FAM210A: variants seen among roughly 807,000 people sequenced by gnomAD.
FAM210A encodes family with sequence similarity 210 member A.
FAM210A carries 13 observed loss-of-function variants against 25.3 expected under a neutral mutation model. That is an observed-to-expected ratio of 0.51 (90% CI 0.33 to 0.82). The LOEUF is 0.82. FAM210A is among the 40% of genes least tolerant of loss of function. FAM210A has a pLI of 0.02. For missense variants in FAM210A, 319 were observed against 323.2 expected, an observed-to-expected ratio of 0.99 and a Z score of 0.10; for synonymous variants, 125 against 118.7, an observed-to-expected ratio of 1.05 and a Z score of -0.35.
chr18:13,713,136 C>T (rs1230372156), intron 1 of FAM210A, among the ~76,000 whole-genome samples: 1 of 152,232 alleles, frequency 6.6e-6, no homozygotes, highest in East Asian at 1.9e-4. Flanking sequence ...TCTTTCCTTA[C>T]AGCACAACTT....
intron 1 of FAM210A, among the ~76,000 whole-genome samples, chr18:13,703,000 T>C (rs983733423): frequency 3.3e-5 from 5 of 152,180 alleles, no homozygotes; most frequent in African/African-American, 9.7e-5. Context: ...CAAGCAGATA[T>C]TCAAGCTCTA....
rs2043386891 is a variant in FAM210A, at chr18:13,664,833, G to A, written c.*1647C>T. 1 of 152,194 alleles carries A rather than the reference G, an allele frequency of 6.6e-6. No homozygotes were observed. The highest frequency in any genetic ancestry group is 1.5e-5 in the Non-Finnish European group (1 of 68,036). 9.4% of individuals were successfully genotyped at this position (152,194 alleles called of 1,614,324 possible). On this transcript the variant is annotated 3_prime_UTR_variant, in exon 4 of 4. Transcript: ENST00000651643. ...ATCCTGGCAAAGAGCAGGGGTCCCT[G>A]CGGGACTGTGTGGCAAACCCAGACA...
Position 13,726,344 on chromosome 18 carries a change from A to G in FAM210A, c.-44T>C. The G allele has an allele frequency of 6.4e-6, 1 of 155,424 alleles. No homozygotes were observed. The highest frequency in any genetic ancestry group is 1.4e-5 in the Non-Finnish European group (1 of 70,646). The allele number at this position is 155,424 out of a possible 1,614,324, so 9.6% of individuals were successfully genotyped here. A position where few individuals can be genotyped will look rare whatever the true frequency, so the allele number is the denominator to read the frequency against. The stretch of plus-strand genomic sequence containing the variant: ...CCCATGCTACCTCTTAGGACGCTGG[A>G]GCCGCCGCCGCCGCTTCCCGCCGCG... On this transcript the variant is annotated 5_prime_UTR_variant, in exon 1 of 4. Transcript: ENST00000651643.
Position 13,681,861 on chromosome 18 carries a change from C to A in FAM210A, c.217G>T (p.Ala73Ser). ...AGGACTCCTGGTTGGGGTGGATGAG[C>A]ATCCAATGGCCTCCTTTCCTTTGCA... Reference protein sequence around the residue: ...CVAKERRPLDAHPPQPGVLRH... With the variant: ...CVAKERRPLDSHPPQPGVLRH... The change falls in exon 2 of 4, where the codon GCT becomes TCT. Residue 73 changes from alanine to serine, a missense_variant. Physicochemically the swap from Ala to Ser is moderately conservative, Grantham distance 99. Coordinates refer to ENST00000651643, the MANE Select transcript of FAM210A (RefSeq NM_152352.4). The A allele has an allele frequency of 1.9e-6, 3 of 1,614,192 alleles. No homozygotes were observed. The highest frequency in any genetic ancestry group is 2.5e-6 in the Non-Finnish European group (3 of 1,180,032).
At chr18:13,707,854 G>A (rs1462273384) in intron 1 of FAM210A, among the ~76,000 whole-genome samples, 1 of 151,942 alleles carries the variant, frequency 6.6e-6, no homozygotes, top group South Asian at 2.1e-4. Flanking sequence ...AACCAATCCA[G>A]CTGTTTCTAT....
chr18:13,706,530 T>C (rs2043779425), intron 1 of FAM210A, among the ~76,000 whole-genome samples: 1 of 152,178 alleles, frequency 6.6e-6, no homozygotes, highest in African/African-American at 2.4e-5. Context: ...AAACAGCACA[T>C]TGATTCACTC....
At chr18:13,669,334 A>C (rs906303418) in intron 3 of FAM210A, among the ~76,000 whole-genome samples, 1 of 152,146 alleles carries the variant, frequency 6.6e-6, no homozygotes, top group African/African-American at 2.4e-5. Context: ...CCTCAGGGTA[A>C]AAAGCAAAGT....
chr18:13,725,067 G>A (rs1379247833), intron 1 of FAM210A, among the ~76,000 whole-genome samples: 1 of 152,080 alleles, frequency 6.6e-6, no homozygotes, highest in East Asian at 1.9e-4. Flanking sequence ...CACTGCACCC[G>A]GTGTTTAAAA....
At chr18:13,713,417 T>TA (rs2043836411) in intron 1 of FAM210A, among the ~76,000 whole-genome samples, 1 of 152,194 alleles carries the variant, frequency 6.6e-6, no homozygotes, top group South Asian at 2.1e-4. Flanking sequence ...ACTACTGATT[T>TA]AAAATCTCTC....
chr18:13,724,840 C>G (rs1159105297), intron 1 of FAM210A, among the ~76,000 whole-genome samples: 1 of 152,204 alleles, frequency 6.6e-6, no homozygotes, highest in African/African-American at 2.4e-5. Context: ...ACGGCGCAAT[C>G]TCGGCTCACT....
chr18:13,708,203 T>A (rs1041804859), intron 1 of FAM210A, among the ~76,000 whole-genome samples: 26 of 152,164 alleles, frequency 1.7e-4, no homozygotes, highest in African/African-American at 6.3e-4. Flanking sequence ...CTAAGAAGGA[T>A]TTACTGGATT....
At chr18:13,694,791 C>G (rs2043678293) in intron 1 of FAM210A, among the ~76,000 whole-genome samples, 1 of 152,298 alleles carries the variant, frequency 6.6e-6, no homozygotes, top group East Asian at 1.9e-4. Flanking sequence ...CAATGCCATT[C>G]AGGACATAGG....
chr18:13,689,556 G>A (rs1010283708), intron 1 of FAM210A, among the ~76,000 whole-genome samples: 5 of 152,084 alleles, frequency 3.3e-5, no homozygotes, highest in Non-Finnish European at 5.9e-5. Flanking sequence ...ATACTTAATG[G>A]TGGGAGGCTG....
chr18:13,721,295 A>G (rs762638895), intron 1 of FAM210A, among the ~76,000 whole-genome samples: 2 of 152,214 alleles, frequency 1.3e-5, no homozygotes, highest in African/African-American at 2.4e-5. Flanking sequence ...CAGCAGATCA[A>G]TAACTGCATG....
At chr18:13,680,407 A>G (rs2043542529) in intron 2 of FAM210A, among the ~76,000 whole-genome samples, 1 of 152,256 alleles carries the variant, frequency 6.6e-6, no homozygotes. Flanking sequence ...ATGAAGAAGG[A>G]TATAATTAAA....
At chr18:13,684,774 TG>T (rs1314225866) in intron 1 of FAM210A, among the ~76,000 whole-genome samples, 1 of 152,216 alleles carries the variant, frequency 6.6e-6, no homozygotes, top group African/African-American at 2.4e-5. Flanking sequence ...CAAGTTCACA[TG>T]GAACATTCAA....
At position 13,684,534 on chromosome 18, in the gene FAM210A, G is replaced by A. The variant is rs187459764; in HGVS notation, c.-28-2429C>T. Among the ~76,000 whole-genome samples the A allele has an allele frequency of 3.5e-4, 53 of 152,202 alleles. No homozygotes were observed. The East Asian group carries it at 4.8e-3, about 14-fold the overall frequency. On this transcript the variant is annotated intron_variant, in intron 1 of 3. Transcript: ENST00000651643. Reference sequence around the variant, plus strand: ...AAGAAGACATAACAATCCTAAACACGTATATACCTAACGAGAGGATCAAAA... The same window carrying A: ...AAGAAGACATAACAATCCTAAACACATATATACCTAACGAGAGGATCAAAA...
intron 2 of FAM210A, among the ~76,000 whole-genome samples, chr18:13,677,231 C>G (rs1043284678): frequency 1.3e-5 from 2 of 152,112 alleles, no homozygotes; most frequent in African/African-American, 4.8e-5. Flanking sequence ...CCCGCCACCA[C>G]GCCCGGCTAA....
At chr18:13,697,585 C>A (rs188956964) in intron 1 of FAM210A, 1 of 150,320 alleles carries the variant, frequency 6.7e-6, no homozygotes, top group East Asian at 2.0e-4. Context: ...CTGGCACACA[C>A]CTGTAATCCC....
Sources: gnomAD v4.1 joint callset for allele counts (sites outside exome capture counted in the v4.1 genomes callset) on GRCh38, gnomAD v4.1.1 for gene constraint, MANE v1.5 for transcripts, NCBI Gene and HGNC (gene_info 2026-07-23, HGNC 2026-07-21) for gene names.